The following DPP10 variants were observed in gnomAD, a reference collection of about 807,000 sequenced individuals.
DPP10 encodes the protein dipeptidyl peptidase like 10, also known as inactive dipeptidyl peptidase 10.
In DPP10, 33 loss-of-function variants were observed where a neutral mutation model predicts 120.9. The observed-to-expected ratio is 0.27, with a 90% CI of 0.21 to 0.37. DPP10 has a LOEUF of 0.37. DPP10 is among the 10% of genes least tolerant of loss of function. The pLI is 1.00. For missense variants in DPP10, 816 were observed against 942.8 expected (o/e 0.87, Z 1.76); for synonymous variants, 337 against 326.1 (o/e 1.03, Z -0.36).
intron 21 of DPP10, among the ~76,000 whole-genome samples, chr2:115,829,779 A>G (rs1029630189): frequency 6.6e-6 from 1 of 151,772 alleles, no homozygotes; most frequent in Admixed American, 6.6e-5. Flanking sequence ...TTTATTGTAA[A>G]TTGTGTCATT....
At position 115,207,899 on chromosome 2, in the gene DPP10, T is replaced by A. The variant is rs546589593; in HGVS notation, c.61-101340T>A. On this transcript the variant is annotated intron_variant, in intron 1 of 25. Transcript: ENST00000410059. The stretch of plus-strand genomic sequence containing the variant: ...ATCACATTGGGTGCAGGGAAACGAG[T>A]AAGCATACTATTGCCTAGTTATATA... 2.7e-3 allele frequency among the ~76,000 whole-genome samples: 406 copies of A among 152,140 alleles called. 3 individuals are homozygous for A. The highest frequency in any genetic ancestry group is 4.5e-3 in the Non-Finnish European group (306 of 67,990).
intron 8 of DPP10, among the ~76,000 whole-genome samples, chr2:115,736,778 T>C (rs1412709356): frequency 6.6e-6 from 1 of 152,106 alleles, no homozygotes; most frequent in African/African-American, 2.4e-5. Flanking sequence ...TGGCAGGTAA[T>C]GGTGGGAGCC....
chr2:115,006,252 A>G (rs1270869575), intron 1 of DPP10, among the ~76,000 whole-genome samples: 11 of 152,292 alleles, frequency 7.2e-5, no homozygotes, highest in African/African-American at 2.2e-4. Flanking sequence ...GGTACCAGAC[A>G]CTGCAAAATC....
Position 115,378,094 on chromosome 2 carries a change from T to G in DPP10, c.271+34182T>G, listed in dbSNP as rs1356971832. The stretch of plus-strand genomic sequence containing the variant: ...GTTTTTTCCAATTCTGTGAAGAAAG[T>G]AATTGGTAGCTTGATGGGGATGGCA... On this transcript the variant is annotated intron_variant, in intron 3 of 25. Transcript: ENST00000410059. Among the ~76,000 whole-genome samples, 33 of 152,262 alleles carry G rather than the reference T, an allele frequency of 2.2e-4. 1 individual carries two copies. Among genetic ancestry groups the G allele is most frequent in the East Asian group, 5.8e-4 (3 of 5,178 alleles).
At chr2:115,030,510 T>C (rs1413505431) in intron 1 of DPP10, among the ~76,000 whole-genome samples, 2 of 152,184 alleles carry the variant, frequency 1.3e-5, no homozygotes, top group African/African-American at 4.8e-5. Flanking sequence ...GTTCGGGGTA[T>C]GTGTACAGAA....
intron 1 of DPP10, among the ~76,000 whole-genome samples, chr2:114,766,559 T>C (rs879173573): frequency 6.6e-6 from 1 of 151,262 alleles, no homozygotes; most frequent in Admixed American, 6.7e-5. Context: ...GGTTAACAGG[T>C]TCCAATGCAT....
intron 1 of DPP10, among the ~76,000 whole-genome samples, chr2:115,287,661 T>G (rs2060459395): frequency 6.6e-6 from 1 of 152,086 alleles, no homozygotes; most frequent in African/African-American, 2.4e-5. Context: ...TCCATAATGT[T>G]TCCGTGGACT....
chr2:114,908,304 ATG>A (rs1694123324), intron 1 of DPP10, among the ~76,000 whole-genome samples: 1 of 151,806 alleles, frequency 6.6e-6, no homozygotes, highest in Non-Finnish European at 1.5e-5. Context: ...TTCACATTTA[ATG>A]TTATTATTGA....
chr2:114,948,227 T>C (rs557625502), intron 1 of DPP10, among the ~76,000 whole-genome samples: 68 of 152,126 alleles, frequency 4.5e-4, no homozygotes, highest in Non-Finnish European at 7.9e-4. Flanking sequence ...GACAGTTCAA[T>C]CCTTCAATTA....
chr2:114,742,295 G>A (rs1175415404), intron 1 of DPP10, among the ~76,000 whole-genome samples: 1 of 151,792 alleles, frequency 6.6e-6, no homozygotes, highest in African/African-American at 2.4e-5. Context: ...GTTGACTAAT[G>A]TTAAAATAGT....
chr2:115,283,784 A>G (rs998965574), intron 1 of DPP10, among the ~76,000 whole-genome samples: 7 of 152,062 alleles, frequency 4.6e-5, no homozygotes, highest in African/African-American at 9.7e-5. Flanking sequence ...CAGTGGTTCA[A>G]TGAGATTTTA....
chr2:114,817,466 T>C (rs1293272196), intron 1 of DPP10, among the ~76,000 whole-genome samples: 1 of 152,202 alleles, frequency 6.6e-6, no homozygotes, highest in Non-Finnish European at 1.5e-5. Context: ...ACCTGTAGGC[T>C]AGAAGTCTTA....
chr2:115,672,025 T>A (rs1420688745), intron 5 of DPP10, among the ~76,000 whole-genome samples: 2 of 152,164 alleles, frequency 1.3e-5, no homozygotes, highest in Non-Finnish European at 2.9e-5. Context: ...AACTGGTAGA[T>A]GAGATTGTCT....
At chr2:114,612,070 T>G (rs1254459676) in intron 1 of DPP10, among the ~76,000 whole-genome samples, 5 of 152,196 alleles carry the variant, frequency 3.3e-5, no homozygotes, top group African/African-American at 1.2e-4. Flanking sequence ...AATTCCTTTG[T>G]TAACACTACC....
chr2:115,481,761 C>T (rs1292030460), intron 3 of DPP10, among the ~76,000 whole-genome samples: 1 of 151,958 alleles, frequency 6.6e-6, no homozygotes, highest in African/African-American at 2.4e-5. Context: ...CTATCTTGTA[C>T]TATGTATCAT....
Position 115,707,385 on chromosome 2 carries a change from G to A in DPP10, c.576+17464G>A, listed in dbSNP as rs533302027. ...GAATTCATACCAAATTATATTCTAT[G>A]ACCATAAAGGAATTAAGTAAGAAAC... On this transcript the variant is annotated intron_variant, in intron 7 of 25. Transcript: ENST00000410059. Among the ~76,000 whole-genome samples, 3 of 148,390 alleles carry A rather than the reference G, an allele frequency of 2.0e-5. No individual in the cohort carries two copies. In the Admixed American group the frequency reaches 2.0e-4, roughly 10 times the overall value.
At chr2:115,321,462 T>G (rs953332963) in intron 2 of DPP10, among the ~76,000 whole-genome samples, 1 of 151,980 alleles carries the variant, frequency 6.6e-6, no homozygotes, top group African/African-American at 2.4e-5. Context: ...CTATCTTTGT[T>G]CTTATCTTCT....
intron 1 of DPP10, among the ~76,000 whole-genome samples, chr2:114,603,305 G>A (rs571197530): frequency 6.6e-6 from 1 of 152,134 alleles, no homozygotes; most frequent in East Asian, 1.9e-4. Flanking sequence ...AAGTGAGAAT[G>A]ATATGATATA....
chr2:115,554,241 A>G (rs1258755796), intron 5 of DPP10, among the ~76,000 whole-genome samples: 3 of 151,776 alleles, frequency 2.0e-5, no homozygotes, highest in Non-Finnish European at 4.4e-5. Context: ...TGGGATGCAA[A>G]TCACAGATGT....
Sources: gnomAD v4.1 joint callset for allele counts (sites outside exome capture counted in the v4.1 genomes callset) on GRCh38, gnomAD v4.1.1 for gene constraint, MANE v1.5 for transcripts, NCBI Gene and HGNC (gene_info 2026-07-23, HGNC 2026-07-21) for gene names.